The following PHKA1 variants were observed in gnomAD, a reference collection of about 807,000 sequenced individuals.
The protein encoded by PHKA1 is phosphorylase kinase regulatory subunit alpha 1.
Under a neutral mutation model 110.2 loss-of-function variants are expected in PHKA1, and 60 were observed. That is an observed-to-expected ratio of 0.54 (90% CI 0.44 to 0.68). The LOEUF (loss-of-function observed/expected upper bound fraction) is 0.68, where lower values mean the gene tolerates loss of function less well. Among genes scored for constraint, PHKA1 ranks in the 30% least tolerant of loss-of-function variants. The pLI, the probability that PHKA1 is intolerant of heterozygous loss-of-function variation, is 0.00. For synonymous variants in PHKA1, 316 were observed against 333.6 expected (o/e 0.95, Z 0.58); for missense variants, 801 against 942.5 (o/e 0.85, Z 1.97).
chrX:72,610,544 C>T (rs2147690599), intron 22 of PHKA1, among the ~76,000 whole-genome samples: 1 of 111,749 alleles, frequency 8.9e-6, no homozygotes, highest in East Asian at 2.8e-4. Context: ...AGGTTTATTC[C>T]ATACCTTTGC....
At chrX:72,666,064 GAC>G (rs1445950370) in intron 8 of PHKA1, 85 bp downstream of exon 8, 9 of 901,901 alleles carry the variant, frequency 1.0e-5, no homozygotes, top group Non-Finnish European at 1.4e-5. Context: ...TGAAATCACA[GAC>G]ACAGGTCATA....
intron 16 of PHKA1, among the ~76,000 whole-genome samples, chrX:72,631,457 A>G (rs1556287944): frequency 9.0e-6 from 1 of 111,082 alleles, no homozygotes; most frequent in Non-Finnish European, 1.9e-5. Context: ...GGAAGTCTAG[A>G]GTCCCCACTC....
At chrX:72,652,020 C>T (rs782215687) in intron 12 of PHKA1, among the ~76,000 whole-genome samples, 18 of 111,310 alleles carry the variant, frequency 1.6e-4, no homozygotes, top group African/African-American at 5.6e-4. Flanking sequence ...AGGGCAATCT[C>T]AACAGAATCT....
chrX:72,661,885 G>A (rs1474169550), intron 8 of PHKA1, among the ~76,000 whole-genome samples: 1 of 111,308 alleles, frequency 9.0e-6, no homozygotes, highest in Admixed American at 9.5e-5. Flanking sequence ...AGAGCACTGT[G>A]GTGTAGCAAG....
intron 13 of PHKA1, among the ~76,000 whole-genome samples, chrX:72,648,362 A>T (rs2053386405): frequency 1.8e-5 from 2 of 111,647 alleles, no homozygotes; most frequent in Non-Finnish European, 3.8e-5. Flanking sequence ...ACTGACAAAG[A>T]TCAGAATATT....
intron 13 of PHKA1, among the ~76,000 whole-genome samples, chrX:72,646,913 C>T (rs1448869039): frequency 9.1e-6 from 1 of 110,457 alleles, no homozygotes; most frequent in Non-Finnish European, 1.9e-5. Flanking sequence ...GGTGGATCAC[C>T]TGAAGTCAGG....
chrX:72,598,241 T>C (rs1009728802), intron 28 of PHKA1, among the ~76,000 whole-genome samples: 1 of 111,466 alleles, frequency 9.0e-6, no homozygotes, highest in Non-Finnish European at 1.9e-5. Flanking sequence ...CAAATGGCCA[T>C]TGGGCACATG....
intron 18 of PHKA1, chrX:72,621,649 C>T (rs1318068605): frequency 3.3e-6 from 1 of 299,735 alleles, no homozygotes; most frequent in African/African-American, 2.9e-5. Flanking sequence ...ATGATATTTA[C>T]TGATCTCTCC....
At chrX:72,594,726 G>A (rs1426774346) in intron 28 of PHKA1, among the ~76,000 whole-genome samples, 2 of 112,760 alleles carry the variant, frequency 1.8e-5, no homozygotes, top group Non-Finnish European at 3.7e-5. Context: ...TGAGGCGGAA[G>A]GATTGCATGA....
At chrX:72,609,288 C>A (rs1313081187) in intron 23 of PHKA1, among the ~76,000 whole-genome samples, 1 of 112,298 alleles carries the variant, frequency 8.9e-6, no homozygotes, top group African/African-American at 3.2e-5. Context: ...CATGGAGTTT[C>A]ATGGTCAGCC....
At chrX:72,682,294 G>A (rs1224269133) in intron 5 of PHKA1, among the ~76,000 whole-genome samples, 1 of 96,247 alleles carries the variant, frequency 1.0e-5, no homozygotes, top group Non-Finnish European at 2.1e-5. Flanking sequence ...GGTGGGGGGG[G>A]TCAGCCCCCC....
chrX:72,626,947 A>G (rs1314034405), intron 17 of PHKA1, 24 bp downstream of exon 17: 7 of 1,124,180 alleles, frequency 6.2e-6, no homozygotes, highest in Admixed American at 2.2e-5. Context: ...TCATTTCACT[A>G]AAGAGTGTAT....
At chrX:72,668,435 C>T (rs2053639453) in intron 6 of PHKA1, among the ~76,000 whole-genome samples, 1 of 112,159 alleles carries the variant, frequency 8.9e-6, no homozygotes, top group African/African-American at 3.2e-5. Flanking sequence ...TATGACAATA[C>T]CTTCCTTAAT....
At chrX:72,627,114 G>A (rs183832867) in intron 16 of PHKA1, 65 bp from the exon 17 acceptor site, 29 of 840,932 alleles carry the variant, frequency 3.4e-5, no homozygotes, top group African/African-American at 2.6e-4. Flanking sequence ...GAGAAATCTT[G>A]TAATTATTTC....
chrX:72,616,583 A>T (rs2052900776), intron 21 of PHKA1, among the ~76,000 whole-genome samples: 1 of 111,720 alleles, frequency 9.0e-6, no homozygotes, highest in Non-Finnish European at 1.9e-5. Context: ...CATTTTCAGT[A>T]ATGGACAGAT....
intron 16 of PHKA1, 109 bp downstream of exon 16, chrX:72,635,046 A>G: frequency 9.9e-7 from 1 of 1,005,105 alleles, no homozygotes; most frequent in Non-Finnish European, 1.4e-6. Context: ...AATACTGCTG[A>G]AAGAATAAAT....
At chrX:72,588,518 C>G (rs1372944663) in intron 29 of PHKA1, among the ~76,000 whole-genome samples, 1 of 111,416 alleles carries the variant, frequency 9.0e-6, no homozygotes, top group Non-Finnish European at 1.9e-5. Flanking sequence ...ATTAAAAGAA[C>G]TAGAGAAACA....
chrX:72,616,646 C>T (rs1298208789), intron 21 of PHKA1, among the ~76,000 whole-genome samples: 10 of 111,372 alleles, frequency 9.0e-5, no homozygotes, highest in Non-Finnish European at 3.8e-5. Context: ...GCACACTAGA[C>T]CAAATGGACC....
chrX:72,609,845 C>A, intron 22 of PHKA1, 142 bp from the exon 23 acceptor site: 1 of 502,560 alleles, frequency 2.0e-6, no homozygotes, highest in Non-Finnish European at 3.5e-6. Flanking sequence ...CCATGAAGAT[C>A]AGAAAAGAAG....
Sources: gnomAD v4.1 joint callset for allele counts (sites outside exome capture counted in the v4.1 genomes callset) on GRCh38, gnomAD v4.1.1 for gene constraint, MANE v1.5 for transcripts, NCBI Gene and HGNC (gene_info 2026-07-23, HGNC 2026-07-21) for gene names.